Variants in GLI2 observed in about 807,000 individuals in gnomAD.
GLI2 encodes the protein transcription activator GLI2.
In GLI2, 22 loss-of-function variants were observed where a neutral mutation model predicts 78.9. The ratio of observed to expected loss-of-function variants is 0.28; its 90% confidence interval spans 0.20 to 0.40. GLI2 has a LOEUF of 0.40. Ranked by LOEUF, GLI2 falls within the 10% of genes least tolerant of loss-of-function variation. The pLI is 1.00. For missense variants in GLI2, 2,097 were observed against 2,213.2 expected (o/e 0.95, Z 1.05); for synonymous variants, 974 against 963.7 (o/e 1.01, Z -0.20).
chr2:120,755,944 T>C (rs1222473612), intron 1 of GLI2, among the ~76,000 whole-genome samples: 3 of 152,354 alleles, frequency 2.0e-5, no homozygotes, highest in East Asian at 3.9e-4. Context: ...TTTGTGTACA[T>C]TGACAGTGAC....
intron 2 of GLI2, among the ~76,000 whole-genome samples, chr2:120,925,904 C>T (rs1478346912): frequency 1.3e-5 from 2 of 151,436 alleles, no homozygotes; most frequent in African/African-American, 4.9e-5. Flanking sequence ...AACCTCGTCT[C>T]TACTAAAAAT....
chr2:120,986,387 G>T lies in GLI2; in HGVS notation c.2015G>T (p.Gly672Val). The change falls in exon 13 of 14, where the codon GGG becomes GTG. Residue 672 changes from glycine to valine, a missense_variant. Gly to Val is a moderately radical substitution (Grantham distance 109). Transcript: ENST00000361492. The stretch of plus-strand genomic sequence containing the variant: ...GTGGAGATGCCGGGGACGGGGCCCG[G>T]GAGCCTGGGAGACCTGACGGCACTG... ...SGVEMPGTGP[G>V]SLGDLTALDD... is the part of the protein sequence containing the mutation. 6.2e-7 allele frequency: 1 copy of T among 1,613,660 alleles called. No individual in the cohort carries two copies. The highest frequency in any genetic ancestry group is 8.5e-7 in the Non-Finnish European group (1 of 1,179,948).
At chr2:120,975,179 C>T in intron 9 of GLI2, 70 bp downstream of exon 9, 1 of 1,494,754 alleles carries the variant, frequency 6.7e-7, no homozygotes, top group South Asian at 1.2e-5. Flanking sequence ...CTGAGCCTTC[C>T]AGGGCCTCTA....
intron 2 of GLI2, among the ~76,000 whole-genome samples, chr2:120,798,634 G>A (rs1032283687): frequency 1.3e-5 from 2 of 152,212 alleles, no homozygotes; most frequent in African/African-American, 4.8e-5. Context: ...GTGGCCTTCT[G>A]AGCTGGACGA....
At chr2:120,748,874 TCCATC>T in intron 1 of GLI2, among the ~76,000 whole-genome samples, 1 of 151,964 alleles carries the variant, frequency 6.6e-6, no homozygotes, top group African/African-American at 2.4e-5. Flanking sequence ...CATCCATCCA[TCCATC>T]CATCCATCCA....
At chr2:120,835,201 C>T (rs977806537) in intron 2 of GLI2, among the ~76,000 whole-genome samples, 2 of 152,052 alleles carry the variant, frequency 1.3e-5, no homozygotes, top group East Asian at 1.9e-4. Context: ...ATTTGATAGA[C>T]AAAGAAGCTG....
intron 2 of GLI2, among the ~76,000 whole-genome samples, chr2:120,809,628 G>C (rs947442220): frequency 6.6e-5 from 10 of 152,094 alleles, no homozygotes; most frequent in Non-Finnish European, 1.5e-4. Context: ...CGGCATGGGG[G>C]CCTGGTCGTG....
At position 120,992,112 on chromosome 2, in the gene GLI2, A is replaced by T. The variant is rs1683316827; in HGVS notation, c.*1437A>T. ...GCCAAACAGCACCACTCAGAGTGTGACTCTGACTGTGACCTTGGCCTTAAT... is the reference window on the plus strand; with the variant it reads ...GCCAAACAGCACCACTCAGAGTGTGTCTCTGACTGTGACCTTGGCCTTAAT... On this transcript the variant is annotated 3_prime_UTR_variant, in exon 14 of 14. Coordinates refer to ENST00000361492, the MANE Select transcript of GLI2 (RefSeq NM_001374353.1). 6.6e-6 allele frequency: 1 copy of T among 152,176 alleles called. No individual in the cohort carries two copies. The allele number at this position is 152,176 out of a possible 1,614,324, so 9.4% of individuals were successfully genotyped here. A position where few individuals can be genotyped will look rare whatever the true frequency, so the allele number is the denominator to read the frequency against.
intron 1 of GLI2, among the ~76,000 whole-genome samples, chr2:120,769,389 G>A (rs1344634621): frequency 6.6e-6 from 1 of 152,200 alleles, no homozygotes; most frequent in Non-Finnish European, 1.5e-5. Context: ...GGCTCCATGG[G>A]TGCCGGGGCC....
At chr2:120,868,946 T>G (rs1411121312) in intron 2 of GLI2, among the ~76,000 whole-genome samples, 2 of 152,156 alleles carry the variant, frequency 1.3e-5, no homozygotes, top group Non-Finnish European at 2.9e-5. Context: ...CACATCGTAT[T>G]GGAGGTCATG....
At chr2:120,954,208 G>C (rs1231227540) in intron 4 of GLI2, among the ~76,000 whole-genome samples, 1 of 152,174 alleles carries the variant, frequency 6.6e-6, no homozygotes. Context: ...AGGTTAGGAA[G>C]CTCATCAGCG....
At chr2:120,945,320 G>A (rs1328071664) in intron 3 of GLI2, among the ~76,000 whole-genome samples, 7 of 152,144 alleles carry the variant, frequency 4.6e-5, no homozygotes, top group African/African-American at 9.7e-5. Flanking sequence ...GAGGAAAAGG[G>A]GCTTTGGTTG....
rs1364965475 is a variant in GLI2 at position 120,975,091 on chromosome 2, C to A, written c.1299C>A (p.Thr433=). 6.2e-7 allele frequency: 1 copy of A among 1,613,944 alleles called. No individual in the cohort carries two copies. Among genetic ancestry groups the A allele is most frequent in the South Asian group, 1.1e-5 (1 of 91,082 alleles). Residue 433 remains threonine, a synonymous_variant, in exon 9 of 14, where the codon ACC becomes ACA. Coordinates refer to ENST00000361492, the MANE Select transcript of GLI2 (RefSeq NM_001374353.1). ...HWEDCTKEYD[T]QEQLVHHINN... Reference sequence around the variant, plus strand: ...AAGACTGCACCAAGGAGTACGACACCCAGGAGCAGCTGGTGCATGTAAGCT... The same window carrying A: ...AAGACTGCACCAAGGAGTACGACACACAGGAGCAGCTGGTGCATGTAAGCT...
Position 120,988,871 on chromosome 2 carries a change from G to C in GLI2, c.2906G>C (p.Arg969Pro), listed in dbSNP as rs773752490. The C allele has an allele frequency of 3.3e-6, 5 of 1,499,862 alleles. No homozygotes were observed. In the Admixed American group the frequency reaches 1.0e-4, roughly 31 times the overall value. The allele number at this position is 1,499,862 out of a possible 1,614,324, so 92.9% of individuals were successfully genotyped here. ...PDALSLPRVQRFHSTHNVNPG... is the reference protein window; with the variant it reads ...PDALSLPRVQPFHSTHNVNPG... Reference sequence around the variant, plus strand: ...GCCCTGTCCCTGCCGCGGGTGCAGCGCTTCCACAGCACCCACAACGTGAAC... The same window carrying C: ...GCCCTGTCCCTGCCGCGGGTGCAGCCCTTCCACAGCACCCACAACGTGAAC... The change falls in exon 14 of 14, where the codon CGC becomes CCC. Residue 969 changes from arginine to proline, a missense_variant. This residue lies in a region of GLI2 where 1,290 missense variants were observed against 1,261.7 expected (regional missense o/e 1.02). Transcript: ENST00000361492.
intron 2 of GLI2, among the ~76,000 whole-genome samples, chr2:120,873,981 G>A (rs993213880): frequency 3.3e-5 from 5 of 152,186 alleles, no homozygotes; most frequent in Admixed American, 3.3e-4. Context: ...CTGCTCCAGG[G>A]ATAATCTGCT....
chr2:120,812,896 G>T (rs1685322052), intron 2 of GLI2, among the ~76,000 whole-genome samples: 2 of 152,194 alleles, frequency 1.3e-5, no homozygotes. Flanking sequence ...CAGCAGTGAG[G>T]GCGAGAGTCT....
intron 2 of GLI2, among the ~76,000 whole-genome samples, chr2:120,851,238 A>G (rs1687391768): frequency 6.6e-6 from 1 of 152,232 alleles, no homozygotes; most frequent in South Asian, 2.1e-4. Context: ...AGCATGGAAC[A>G]GGCCTCTCAG....
rs191188710 is a variant in GLI2 at position 120,981,112 on chromosome 2, C to T, written c.1468-1604C>T. Among the ~76,000 whole-genome samples, 72 of 152,282 alleles carry T rather than the reference C, an allele frequency of 4.7e-4. 1 individual carries two copies. Among genetic ancestry groups the T allele is most frequent in the Admixed American group, 1.5e-3 (23 of 15,298 alleles). ...GCCAGGCTGGTCTTGAACTCCTAAC[C>T]TCAGGTGATCCCCCTGCCTCAGCCT... On this transcript the variant is annotated intron_variant, in intron 10 of 13. Transcript: ENST00000361492.
chr2:120,879,233 C>G (rs1688918556), intron 2 of GLI2, among the ~76,000 whole-genome samples: 1 of 152,170 alleles, frequency 6.6e-6, no homozygotes, highest in South Asian at 2.1e-4. Context: ...CACTGTGCAG[C>G]CCAGACTTGT....
Sources: gnomAD v4.1 joint callset for allele counts (sites outside exome capture counted in the v4.1 genomes callset) on GRCh38, gnomAD v4.1.1 for gene constraint, gnomAD v4.1.1 regional missense constraint, MANE v1.5 for transcripts, NCBI Gene and HGNC (gene_info 2026-07-23, HGNC 2026-07-21) for gene names.